The following DLC1 variants were observed in gnomAD, a reference collection of about 807,000 sequenced individuals.
DLC1 encodes DLC1 Rho GTPase activating protein.
A neutral mutation model predicts 140.3 loss-of-function variants in DLC1; 54 were observed. The ratio of observed to expected loss-of-function variants is 0.38; its 90% confidence interval spans 0.31 to 0.48. The LOEUF (loss-of-function observed/expected upper bound fraction) is 0.48. Among genes scored for constraint, DLC1 ranks in the 20% least tolerant of loss-of-function variants. DLC1 has a pLI of 0.96. For synonymous variants in DLC1, 986 were observed against 728.1 expected (o/e 1.35, Z -5.70); for missense variants, 2,536 against 1,907.0 (o/e 1.33, Z -6.14).
At chr8:13,519,537 G>C (rs1802702602), upstream of DLC1, among the ~76,000 whole-genome samples, 1 of 152,078 alleles carries the variant, frequency 6.6e-6, no homozygotes, top group African/African-American at 2.4e-5. Flanking sequence ...TTAGTTTTTT[G>C]ATCAATTTTG....
intron 4 of DLC1, among the ~76,000 whole-genome samples, chr8:13,347,548 T>C (rs1199032469): frequency 6.6e-6 from 1 of 152,108 alleles, no homozygotes; most frequent in East Asian, 1.9e-4. Flanking sequence ...ATTCTTCCTG[T>C]GTATATTTAA....
At chr8:13,270,517 C>T (rs1260684180) in intron 5 of DLC1, among the ~76,000 whole-genome samples, 1 of 152,136 alleles carries the variant, frequency 6.6e-6, no homozygotes, top group African/African-American at 2.4e-5. Context: ...CAGGTCCCAA[C>T]GTGCTTAGGA....
At chr8:13,086,503 A>C in intron 16 of DLC1, 40 bp from the exon 17 acceptor site, 1 of 1,600,112 alleles carries the variant, frequency 6.2e-7, no homozygotes, top group Non-Finnish European at 8.5e-7. Flanking sequence ...ATGGAATTTC[A>C]TAGAAGCCAA....
chr8:13,155,407 G>A (rs1446333670), intron 5 of DLC1, among the ~76,000 whole-genome samples: 2 of 151,408 alleles, frequency 1.3e-5, no homozygotes, highest in African/African-American at 2.4e-5. Flanking sequence ...CTTAGTTTTA[G>A]AGTCTTAAGT....
intron 5 of DLC1, among the ~76,000 whole-genome samples, chr8:13,169,477 G>A (rs1229694493): frequency 6.6e-6 from 1 of 152,128 alleles, no homozygotes; most frequent in East Asian, 1.9e-4. Flanking sequence ...ATATTGCCTG[G>A]CTTAAAGTAG....
chr8:13,301,986 C>T (rs777366776), intron 5 of DLC1, among the ~76,000 whole-genome samples: 101 of 152,098 alleles, frequency 6.6e-4, no homozygotes, highest in Non-Finnish European at 1.2e-3. Context: ...ATACAGACTC[C>T]AGCGACATGA....
intron 5 of DLC1, among the ~76,000 whole-genome samples, chr8:13,185,140 T>TC (rs1305691277): frequency 1.3e-5 from 2 of 149,870 alleles, no homozygotes; most frequent in African/African-American, 4.9e-5. Flanking sequence ...TTTTTTTTTT[T>TC]TTGCTTTCTG....
At chr8:13,262,556 A>G (rs897109140) in intron 5 of DLC1, among the ~76,000 whole-genome samples, 1 of 152,130 alleles carries the variant, frequency 6.6e-6, no homozygotes, top group Non-Finnish European at 1.5e-5. Context: ...CCATATTTTT[A>G]TCTTTTGTTT....
chr8:13,307,283 G>C (rs1832484511), intron 4 of DLC1, among the ~76,000 whole-genome samples: 1 of 152,090 alleles, frequency 6.6e-6, no homozygotes, highest in Non-Finnish European at 1.5e-5. Flanking sequence ...ATCAGGCCCA[G>C]AGATCAGGGC....
intron 5 of DLC1, among the ~76,000 whole-genome samples, chr8:13,302,187 G>C (rs149028090): frequency 1.6e-3 from 248 of 152,286 alleles, no homozygotes; most frequent in African/African-American, 5.6e-3. Context: ...TTTTGAATAA[G>C]CAGAGTTAAG....
chr8:13,113,342 C>G (rs1232325756), intron 6 of DLC1, among the ~76,000 whole-genome samples: 1 of 152,090 alleles, frequency 6.6e-6, no homozygotes, highest in Non-Finnish European at 1.5e-5. Flanking sequence ...CACACAGTGG[C>G]AGGAAAAACG....
chr8:13,090,782 A>C (rs1371009861), intron 14 of DLC1, among the ~76,000 whole-genome samples: 1 of 150,874 alleles, frequency 6.6e-6, no homozygotes, highest in Non-Finnish European at 1.5e-5. Context: ...AATTCCAGAT[A>C]ATTTGTTGCT....
chr8:13,241,660 C>T (rs1161482310), intron 5 of DLC1, among the ~76,000 whole-genome samples: 2 of 152,140 alleles, frequency 1.3e-5, no homozygotes, highest in East Asian at 1.9e-4. Flanking sequence ...GAAATGTTTT[C>T]AGGGCTTTCA....
At chr8:13,232,624 C>T (rs1321346497) in intron 5 of DLC1, among the ~76,000 whole-genome samples, 1 of 152,220 alleles carries the variant, frequency 6.6e-6, no homozygotes, top group African/African-American at 2.4e-5. Flanking sequence ...AGCCACGGTG[C>T]CCCGCCTCTG....
chr8:13,530,760 A>AT (rs1412950522), intron 1 of DLC1, among the ~76,000 whole-genome samples: 2 of 152,272 alleles, frequency 1.3e-5, no homozygotes, highest in East Asian at 1.9e-4. Context: ...TTCTGTCAAG[A>AT]TTTTTTTGAA....
rs1281095292 is a variant in DLC1 at position 13,393,689 on chromosome 8, A to G, written c.1178T>C (p.Leu393Pro). Reference sequence around the variant, plus strand: ...TGCTCCACTTTCAGATCCTGATTCCAGATCCTATTAAAAAACAAATGCACT... The same window carrying G: ...TGCTCCACTTTCAGATCCTGATTCCGGATCCTATTAAAAAACAAATGCACT... The part of the protein sequence containing the change: ...PTNLRRHVPD[L>P]ESGSESGADT... Residue 393 changes from leucine to proline, a missense_variant, in exon 4 of 18, where the codon CTG (leucine) becomes CCG (proline). Transcript: ENST00000276297. 1 of 1,612,462 alleles carries G rather than the reference A, an allele frequency of 6.2e-7. No homozygotes were observed. The highest frequency in any genetic ancestry group is 8.5e-7 in the Non-Finnish European group (1 of 1,179,542).
intron 3 of DLC1, among the ~76,000 whole-genome samples, chr8:13,400,943 C>T (rs924659078): frequency 3.9e-5 from 6 of 152,154 alleles, no homozygotes; most frequent in African/African-American, 9.7e-5. Flanking sequence ...CAATTCTCAG[C>T]TCTGTCTCTT....
intron 4 of DLC1, chr8:13,340,786 C>G (rs765251514): frequency 1.3e-5 from 2 of 152,216 alleles, no homozygotes; most frequent in Non-Finnish European, 1.5e-5. Context: ...TTCCCTAATT[C>G]ATCCAACAAA....
rs1697533891 is a variant in DLC1 at position 13,085,654 on chromosome 8, G to C, written c.*157C>G. 2.6e-6 allele frequency: 3 copies of C among 1,151,062 alleles called. No homozygotes were observed. Among genetic ancestry groups the C allele is most frequent in the African/African-American group, 1.6e-5 (1 of 64,412 alleles). 71.3% of individuals were successfully genotyped at this position (1,151,062 alleles called of 1,614,324 possible). A position where few individuals can be genotyped will look rare whatever the true frequency, so the allele number is the denominator to read the frequency against. ...ACAGACCCTCAACAAACAGGAAGCA[G>C]CTTTAAAAATGTATCAAATTGCTAT... is the stretch of plus-strand genomic sequence containing the variant. On this transcript the variant is annotated 3_prime_UTR_variant, in exon 18 of 18. Transcript: ENST00000276297.
Sources: allele counts gnomAD v4.1 joint callset (sites outside exome capture counted in the v4.1 genomes callset), GRCh38; gene constraint gnomAD v4.1.1; transcripts MANE v1.5; gene names NCBI Gene and HGNC (gene_info 2026-07-23, HGNC 2026-07-21).